The following CDK5RAP2 variants were observed in gnomAD, a reference collection of about 807,000 sequenced individuals.
CDK5RAP2 encodes the protein CDK5 regulatory subunit-associated protein 2.
A neutral mutation model predicts 232.9 loss-of-function variants in CDK5RAP2; 147 were observed. The observed-to-expected ratio is 0.63, with a 90% CI of 0.55 to 0.72. CDK5RAP2 has a LOEUF of 0.72. Ranked by LOEUF, CDK5RAP2 falls within the 30% of genes least tolerant of loss-of-function variation. The pLI, the probability that CDK5RAP2 is intolerant of heterozygous loss-of-function variation, is 0.00. For missense variants in CDK5RAP2, 2,195 were observed against 2,231.5 expected (o/e 0.98, Z 0.33); for synonymous variants, 833 against 833.7 (o/e 1.00, Z 0.01).
chr9:120,563,794 A>C (rs1432252510), intron 3 of CDK5RAP2, among the ~76,000 whole-genome samples: 1 of 152,200 alleles, frequency 6.6e-6, no homozygotes, highest in Admixed American at 6.5e-5. Context: ...GCAGTAAGTA[A>C]CTCACAAACA....
intron 22 of CDK5RAP2, among the ~76,000 whole-genome samples, chr9:120,444,706 CAAG>C (rs1291560443): frequency 6.6e-6 from 1 of 152,192 alleles, no homozygotes; most frequent in Non-Finnish European, 1.5e-5. Flanking sequence ...AAAATCCATA[CAAG>C]AAGTATCACA....
rs142895929 is a variant in CDK5RAP2 at position 120,545,754 on chromosome 9, G to A, written c.343C>T (p.Arg115Trp). Reference sequence around the variant, plus strand: ...AGCTGCTCTCTCTCCTGGAGTTCCCGCTTCAGACTTTCTACTTCCACCTTG... The same window carrying A: ...AGCTGCTCTCTCTCCTGGAGTTCCCACTTCAGACTTTCTACTTCCACCTTG... ...ELKVEVESLKRELQEREQLLI... is the reference protein window; with the variant it reads ...ELKVEVESLKWELQEREQLLI... The change falls in exon 5 of 38, where the codon CGG becomes TGG. Residue 115 changes from arginine to tryptophan, a missense_variant. Physicochemically the swap from Arg to Trp is moderately radical, Grantham distance 101 (BLOSUM62 -3). Coordinates refer to ENST00000349780, the MANE Select transcript of CDK5RAP2 (RefSeq NM_018249.6). The A allele has an allele frequency of 1.3e-5, 21 of 1,613,626 alleles. No homozygotes were observed. Among genetic ancestry groups the A allele is most frequent in the South Asian group, 2.2e-5 (2 of 91,078 alleles).
intron 25 of CDK5RAP2, among the ~76,000 whole-genome samples, chr9:120,430,467 T>C (rs1228117095): frequency 6.6e-6 from 1 of 150,624 alleles, no homozygotes; most frequent in African/African-American, 2.4e-5. Context: ...GAACAGACAC[T>C]TCTCAAAAGA....
intron 4 of CDK5RAP2, among the ~76,000 whole-genome samples, chr9:120,550,539 A>C (rs2132055002): frequency 6.6e-6 from 1 of 152,288 alleles, no homozygotes; most frequent in South Asian, 2.1e-4. Flanking sequence ...ATAAAAACTT[A>C]ACTGAGGTAA....
chr9:120,560,081 C>G (rs2042407965), intron 3 of CDK5RAP2, among the ~76,000 whole-genome samples: 1 of 152,210 alleles, frequency 6.6e-6, no homozygotes, highest in Admixed American at 6.5e-5. Flanking sequence ...GAGGCTCACC[C>G]TACCAAATCA....
chr9:120,419,542 G>A (rs1419615554), intron 27 of CDK5RAP2, among the ~76,000 whole-genome samples: 1 of 152,166 alleles, frequency 6.6e-6, no homozygotes, highest in Admixed American at 6.5e-5. Context: ...GCAGGAAATG[G>A]CAAGTCACAT....
At chr9:120,512,842 G>A (rs2040158957) in intron 12 of CDK5RAP2, among the ~76,000 whole-genome samples, 2 of 152,108 alleles carry the variant, frequency 1.3e-5, no homozygotes, top group African/African-American at 4.8e-5. Flanking sequence ...GCATCACGCG[G>A]GCACACAGGC....
chr9:120,567,525 C>T (rs895966595), intron 3 of CDK5RAP2, among the ~76,000 whole-genome samples: 2 of 152,132 alleles, frequency 1.3e-5, no homozygotes, highest in African/African-American at 4.8e-5. Flanking sequence ...TAAATGAGAG[C>T]ACTGAACAGG....
chr9:120,547,617 C>A (rs556493780), intron 4 of CDK5RAP2, among the ~76,000 whole-genome samples: 2 of 151,982 alleles, frequency 1.3e-5, no homozygotes, highest in Non-Finnish European at 2.9e-5. Context: ...AAAAAAAAAT[C>A]ATTTCCAGTA....
intron 1 of CDK5RAP2, among the ~76,000 whole-genome samples, chr9:120,574,005 T>C (rs1407612181): frequency 6.6e-6 from 1 of 152,166 alleles, no homozygotes; most frequent in Non-Finnish European, 1.5e-5. Flanking sequence ...AGCCATTACA[T>C]TAACTCCCAC....
At chr9:120,506,574 A>G (rs1404840305) in intron 12 of CDK5RAP2, among the ~76,000 whole-genome samples, 1 of 152,222 alleles carries the variant, frequency 6.6e-6, no homozygotes, top group Admixed American at 6.5e-5. Flanking sequence ...AAATGCCCTT[A>G]AGAACATTTG....
intron 5 of CDK5RAP2, among the ~76,000 whole-genome samples, chr9:120,539,560 A>G (rs775704153): frequency 6.6e-6 from 1 of 152,244 alleles, no homozygotes; most frequent in Non-Finnish European, 1.5e-5. Flanking sequence ...ATAGTTTACT[A>G]AATCAATTCT....
chr9:120,409,778 A>G (rs916993093), intron 29 of CDK5RAP2, among the ~76,000 whole-genome samples: 2 of 152,260 alleles, frequency 1.3e-5, no homozygotes, highest in African/African-American at 4.8e-5. Context: ...ACCCAGAGGC[A>G]CAAGAGACAC....
At chr9:120,524,416 G>C (rs2040808081) in intron 11 of CDK5RAP2, among the ~76,000 whole-genome samples, 1 of 152,172 alleles carries the variant, frequency 6.6e-6, no homozygotes, top group South Asian at 2.1e-4. Context: ...CAAGGTGGGT[G>C]AATCACTTGA....
chr9:120,554,947 G>A (rs1008193278), intron 3 of CDK5RAP2, among the ~76,000 whole-genome samples: 9 of 151,776 alleles, frequency 5.9e-5, no homozygotes, highest in African/African-American at 1.9e-4. Flanking sequence ...AATGTGAAAC[G>A]TTTAAAGTCA....
intron 36 of CDK5RAP2, among the ~76,000 whole-genome samples, chr9:120,392,739 C>T (rs2032104278): frequency 6.6e-6 from 1 of 152,180 alleles, no homozygotes; most frequent in African/African-American, 2.4e-5. Context: ...ACACGAAACC[C>T]TCAACCAGAA....
At chr9:120,455,366 A>T (rs2036704105) in intron 20 of CDK5RAP2, among the ~76,000 whole-genome samples, 1 of 143,448 alleles carries the variant, frequency 7.0e-6, no homozygotes, top group Non-Finnish European at 1.5e-5. Flanking sequence ...CCTGTACAAC[A>T]CGTTAAAAAA....
At chr9:120,553,756 GTTTA>G (rs1432892125) in intron 3 of CDK5RAP2, among the ~76,000 whole-genome samples, 7 of 152,194 alleles carry the variant, frequency 4.6e-5, no homozygotes, top group South Asian at 2.1e-4. Flanking sequence ...TTCTTTTAAA[GTTTA>G]TTTATTTTTT....
intron 12 of CDK5RAP2, among the ~76,000 whole-genome samples, chr9:120,511,197 T>A (rs73660271): frequency 6.6e-6 from 1 of 152,284 alleles, no homozygotes; most frequent in African/African-American, 2.4e-5. Context: ...GCAATAAATG[T>A]TGTTGGCATG....
Sources: allele counts gnomAD v4.1 joint callset (sites outside exome capture counted in the v4.1 genomes callset), GRCh38; gene constraint gnomAD v4.1.1; transcripts MANE v1.5; gene names NCBI Gene and HGNC (gene_info 2026-07-23, HGNC 2026-07-21).